The following ELP4 variants were observed in gnomAD, a reference collection of about 807,000 sequenced individuals.
ELP4 encodes elongator complex protein 4.
Under a neutral mutation model 48.9 loss-of-function variants are expected in ELP4, and 51 were observed. The observed-to-expected ratio is 1.04, with a 90% CI of 0.83 to 1.32. The LOEUF is 1.32. ELP4 is among the 40% of genes most tolerant of loss of function. ELP4 has a pLI of 0.00. For missense variants in ELP4, 519 were observed against 514.6 expected (o/e 1.01, Z -0.08); for synonymous variants, 210 against 189.2 (o/e 1.11, Z -0.90).
intron 9 of ELP4, among the ~76,000 whole-genome samples, chr11:31,716,946 AC>A (rs1946853594): frequency 2.0e-5 from 3 of 152,382 alleles, no homozygotes; most frequent in Admixed American, 2.0e-4. Flanking sequence ...TTGAACTAGG[AC>A]TAGAATAATG....
At chr11:31,597,038 G>C (rs1463805825) in intron 4 of ELP4, among the ~76,000 whole-genome samples, 1 of 152,104 alleles carries the variant, frequency 6.6e-6, no homozygotes, top group East Asian at 1.9e-4. Context: ...CTCATACTTT[G>C]CTGGTGAAAA....
At chr11:31,567,725 C>T (rs2133951481) in intron 3 of ELP4, among the ~76,000 whole-genome samples, 1 of 152,254 alleles carries the variant, frequency 6.6e-6, no homozygotes, top group South Asian at 2.1e-4. Flanking sequence ...TTTCCCAGTG[C>T]ATATAAAGTT....
At chr11:31,742,176 C>T (rs548120259) in intron 9 of ELP4, among the ~76,000 whole-genome samples, 24 of 151,774 alleles carry the variant, frequency 1.6e-4, no homozygotes, top group Admixed American at 1.4e-3. Context: ...TGAAATGAAG[C>T]GAGAAGAAAA....
intron 9 of ELP4, among the ~76,000 whole-genome samples, chr11:31,770,535 T>C (rs1207753721): frequency 3.4e-5 from 5 of 147,560 alleles, no homozygotes; most frequent in Non-Finnish European, 7.4e-5. Flanking sequence ...GTTCTACTCA[T>C]GTTGGAGCAT....
chr11:31,537,003 C>T (rs1158119469), intron 2 of ELP4, among the ~76,000 whole-genome samples: 1 of 152,066 alleles, frequency 6.6e-6, no homozygotes, highest in Admixed American at 6.6e-5. Context: ...TTAATTTATT[C>T]ATTTTTTTCT....
At chr11:31,532,138 GC>G (rs1956405089) in intron 2 of ELP4, among the ~76,000 whole-genome samples, 1 of 152,102 alleles carries the variant, frequency 6.6e-6, no homozygotes. Flanking sequence ...GAAACCTCAA[GC>G]CCAAAGGAAA....
intron 3 of ELP4, among the ~76,000 whole-genome samples, chr11:31,577,445 A>G (rs1477243173): frequency 6.6e-6 from 1 of 152,108 alleles, no homozygotes; most frequent in African/African-American, 2.4e-5. Flanking sequence ...TGAGGCCAGC[A>G]TCATCCTGAT....
chr11:31,767,911 C>G (rs953124563), intron 9 of ELP4: 34 of 152,282 alleles, frequency 2.2e-4, no homozygotes, highest in African/African-American at 7.9e-4. Context: ...TTTGCCCAGT[C>G]TGTTCACCAA....
intron 3 of ELP4, among the ~76,000 whole-genome samples, chr11:31,543,541 G>C (rs1473596284): frequency 6.6e-6 from 1 of 152,036 alleles, no homozygotes; most frequent in Non-Finnish European, 1.5e-5. Flanking sequence ...GGATGGTCTT[G>C]ATCTCCTGAC....
chr11:31,616,503 A>G (rs554102660), intron 5 of ELP4, among the ~76,000 whole-genome samples: 12 of 152,244 alleles, frequency 7.9e-5, no homozygotes, highest in Non-Finnish European at 1.3e-4. Flanking sequence ...ACATTTCATA[A>G]TCTTGGATTC....
chr11:31,657,858 TA>T (rs946640150), intron 9 of ELP4, among the ~76,000 whole-genome samples: 2 of 151,722 alleles, frequency 1.3e-5, no homozygotes, highest in African/African-American at 2.4e-5. Context: ...TTATTAATTT[TA>T]AAAAAAATAA....
intron 2 of ELP4, among the ~76,000 whole-genome samples, chr11:31,538,828 C>G (rs577408058): frequency 1.3e-5 from 2 of 152,194 alleles, no homozygotes; most frequent in Admixed American, 6.5e-5. Flanking sequence ...TAACACTGGC[C>G]TCATAAAATG....
intron 9 of ELP4, among the ~76,000 whole-genome samples, chr11:31,722,687 C>G (rs1328554040): frequency 6.0e-5 from 8 of 133,948 alleles, no homozygotes; most frequent in African/African-American, 2.6e-4. Context: ...CTCTCTCTCT[C>G]TCTCTCTCTG....
chr11:31,776,602 A>G (rs1422554221), intron 9 of ELP4, among the ~76,000 whole-genome samples: 3 of 152,216 alleles, frequency 2.0e-5, no homozygotes, highest in East Asian at 1.9e-4. Context: ...GTTCTTCTCA[A>G]TCTTCTTTCA....
chr11:31,680,838 A>G (rs1422423175), intron 9 of ELP4, among the ~76,000 whole-genome samples: 1 of 152,208 alleles, frequency 6.6e-6, no homozygotes, highest in African/African-American at 2.4e-5. Context: ...ATTTTATTTA[A>G]TGCAAAGCGA....
At chr11:31,691,436 A>T (rs1247673085) in intron 9 of ELP4, among the ~76,000 whole-genome samples, 1 of 152,100 alleles carries the variant, frequency 6.6e-6, no homozygotes, top group East Asian at 1.9e-4. Context: ...ATTATGCTTC[A>T]TTCAGCTTCT....
At chr11:31,628,530 T>A (rs1944795029) in intron 6 of ELP4, 1 of 151,956 alleles carries the variant, frequency 6.6e-6, no homozygotes, top group African/African-American at 2.4e-5. Context: ...AACATTTGTT[T>A]TCTTAGTTGT....
chr11:31,669,772 C>T (rs1285188511), intron 9 of ELP4, among the ~76,000 whole-genome samples: 2 of 152,178 alleles, frequency 1.3e-5, no homozygotes, highest in Non-Finnish European at 2.9e-5. Flanking sequence ...TAATTATTCC[C>T]GCTCTCTATA....
intron 5 of ELP4, among the ~76,000 whole-genome samples, chr11:31,614,547 T>G (rs1958040450): frequency 6.6e-6 from 1 of 152,152 alleles, no homozygotes; most frequent in African/African-American, 2.4e-5. Flanking sequence ...ATAACTTACA[T>G]AGCCAGAAAG....
Sources: allele counts gnomAD v4.1 joint callset (sites outside exome capture counted in the v4.1 genomes callset), GRCh38; gene constraint gnomAD v4.1.1; transcripts MANE v1.5; gene names NCBI Gene and HGNC (gene_info 2026-07-23, HGNC 2026-07-21).